TBC1D5: variants seen among roughly 807,000 people sequenced by gnomAD.
TBC1D5 encodes TBC1 domain family, member 5.
In TBC1D5, 75 loss-of-function variants were observed where a neutral mutation model predicts 100.3. The observed-to-expected ratio is 0.75, with a 90% CI of 0.62 to 0.91. TBC1D5 has a LOEUF of 0.91. TBC1D5 is among the 40% of genes least tolerant of loss of function. TBC1D5 has a pLI of 0.00. For synonymous variants in TBC1D5, 323 were observed against 325.6 expected (o/e 0.99, Z 0.09); for missense variants, 910 against 942.4 (o/e 0.97, Z 0.45).
intron 2 of TBC1D5, among the ~76,000 whole-genome samples, chr3:17,618,953 G>A (rs926020927): frequency 2.0e-5 from 3 of 152,156 alleles, no homozygotes; most frequent in African/African-American, 7.2e-5. Flanking sequence ...TACCTCAGTT[G>A]GAAATGCAGA....
rs142600593 is a variant in TBC1D5, at chr3:17,371,222, C to T, written c.995+853G>A. 4.9e-3 allele frequency among the ~76,000 whole-genome samples: 746 copies of T among 152,134 alleles called. 8 individuals are homozygous for T. The highest frequency in any genetic ancestry group is 7.7e-3 in the Non-Finnish European group (522 of 67,990). On this transcript the variant is annotated intron_variant, in intron 13 of 21. Transcript: ENST00000253692. Reference sequence around the variant, plus strand: ...CTCTGAGAGGCATCTATCTTACTTACAGGAATCTACGTCTGAGGGTAGAAC... The same window carrying T: ...CTCTGAGAGGCATCTATCTTACTTATAGGAATCTACGTCTGAGGGTAGAAC...
chr3:17,533,881 C>A (rs1332709160), intron 2 of TBC1D5, among the ~76,000 whole-genome samples: 1 of 139,970 alleles, frequency 7.1e-6, no homozygotes, highest in Non-Finnish European at 1.5e-5. Flanking sequence ...ACAGACACAC[C>A]TATCATTCAG....
intron 15 of TBC1D5, among the ~76,000 whole-genome samples, chr3:17,284,120 A>G (rs867760465): frequency 2.0e-5 from 3 of 150,150 alleles, no homozygotes; most frequent in South Asian, 2.1e-4. Context: ...ACACACACAC[A>G]CACGTATTTT....
intron 1 of TBC1D5, among the ~76,000 whole-genome samples, chr3:17,676,055 T>G (rs2153798036): frequency 6.6e-6 from 1 of 152,248 alleles, no homozygotes; most frequent in South Asian, 2.1e-4. Context: ...TCATGACTAC[T>G]TTGTCATTTA....
intron 3 of TBC1D5, among the ~76,000 whole-genome samples, chr3:17,496,210 T>C (rs2095705146): frequency 6.6e-6 from 1 of 152,244 alleles, no homozygotes; most frequent in Non-Finnish European, 1.5e-5. Flanking sequence ...TTAAAGCAAA[T>C]GTAATTGTGA....
At chr3:17,677,682 A>C (rs1490507253) in intron 1 of TBC1D5, among the ~76,000 whole-genome samples, 1 of 152,224 alleles carries the variant, frequency 6.6e-6, no homozygotes, top group African/African-American at 2.4e-5. Context: ...TGCTGCTATA[A>C]AGACACATGC....
chr3:17,178,033 G>A (rs2067987175), intron 19 of TBC1D5, among the ~76,000 whole-genome samples: 1 of 150,944 alleles, frequency 6.6e-6, no homozygotes, highest in Admixed American at 6.6e-5. Flanking sequence ...GCAAATGACA[G>A]GATCTCATTC....
At chr3:17,706,216 G>A (rs540962774) in intron 1 of TBC1D5, 40 of 1,549,748 alleles carry the variant, frequency 2.6e-5, no homozygotes, top group Admixed American at 2.0e-5. Context: ...GCGAGGCCCA[G>A]GCTGTGGAGG....
intron 15 of TBC1D5, among the ~76,000 whole-genome samples, chr3:17,285,300 G>T (rs940119993): frequency 3.3e-5 from 4 of 121,194 alleles, no homozygotes; most frequent in Non-Finnish European, 6.4e-5. Context: ...TCGCTCTGTC[G>T]CCCAGGCTGG....
intron 2 of TBC1D5, among the ~76,000 whole-genome samples, chr3:17,607,388 C>T (rs2061392417): frequency 1.3e-5 from 2 of 152,130 alleles, no homozygotes; most frequent in Admixed American, 6.6e-5. Context: ...GCTTTTACTT[C>T]CAACTCAACA....
intron 1 of TBC1D5, among the ~76,000 whole-genome samples, chr3:17,731,595 G>A (rs998529020): frequency 2.6e-5 from 4 of 151,944 alleles, no homozygotes; most frequent in African/African-American, 9.7e-5. Context: ...AGAGAATCGT[G>A]AGAGCTTAAA....
At chr3:17,443,664 G>C (rs950702452) in intron 3 of TBC1D5, among the ~76,000 whole-genome samples, 1 of 152,026 alleles carries the variant, frequency 6.6e-6, no homozygotes, top group African/African-American at 2.4e-5. Flanking sequence ...ATGAGGTAAT[G>C]GTGTATAATC....
At chr3:17,660,802 A>G (rs761175630) in intron 1 of TBC1D5, among the ~76,000 whole-genome samples, 7 of 152,186 alleles carry the variant, frequency 4.6e-5, no homozygotes, top group Non-Finnish European at 1.0e-4. Flanking sequence ...AAGGCAGACT[A>G]TTTGGGAGTT....
intron 19 of TBC1D5, 38 bp from the exon 21 acceptor site, chr3:17,167,866 T>C (rs746904885): frequency 4.9e-5 from 71 of 1,452,108 alleles, no homozygotes; most frequent in Admixed American, 7.6e-5. Flanking sequence ...ACCAATGCTC[T>C]GAGCATAACC....
At chr3:17,457,905 G>T (rs2095124248) in intron 3 of TBC1D5, among the ~76,000 whole-genome samples, 1 of 152,100 alleles carries the variant, frequency 6.6e-6, no homozygotes, top group South Asian at 2.1e-4. Context: ...TTACTTCTAC[G>T]CTACACTCAG....
chr3:17,697,423 C>T (rs1183773517), intron 1 of TBC1D5, among the ~76,000 whole-genome samples: 1 of 152,136 alleles, frequency 6.6e-6, no homozygotes, highest in Non-Finnish European at 1.5e-5. Flanking sequence ...GATACAAAAT[C>T]AATGTGAAAA....
chr3:17,626,478 A>T (rs1024343054), intron 1 of TBC1D5, among the ~76,000 whole-genome samples: 1 of 152,212 alleles, frequency 6.6e-6, no homozygotes, highest in Non-Finnish European at 1.5e-5. Flanking sequence ...CTTTCTTAAC[A>T]CTTAAAATCC....
intron 1 of TBC1D5, among the ~76,000 whole-genome samples, chr3:17,642,283 G>A (rs1214899912): frequency 6.6e-6 from 1 of 152,072 alleles, no homozygotes; most frequent in African/African-American, 2.4e-5. Context: ...GGACTGAAGT[G>A]GAAGCAATCT....
chr3:17,383,459 T>C (rs1240628906), intron 9 of TBC1D5, among the ~76,000 whole-genome samples: 1 of 152,026 alleles, frequency 6.6e-6, no homozygotes, highest in East Asian at 1.9e-4. Flanking sequence ...ACAAAGGAAC[T>C]AAATACACAT....
Sources: gnomAD v4.1 joint callset for allele counts (sites outside exome capture counted in the v4.1 genomes callset) on GRCh38, gnomAD v4.1.1 for gene constraint, MANE v1.5 for transcripts, NCBI Gene and HGNC (gene_info 2026-07-23, HGNC 2026-07-21) for gene names.